Variants in FRMD4A observed in about 807,000 individuals in gnomAD.
FRMD4A encodes FERM domain containing 4A, also known as FERM domain-containing protein 4A.
In FRMD4A, 29 loss-of-function variants were observed where a neutral mutation model predicts 129.1. The observed-to-expected ratio is 0.22, with a 90% CI of 0.17 to 0.31. The LOEUF (loss-of-function observed/expected upper bound fraction) is 0.31. Among genes scored for constraint, FRMD4A ranks in the 10% least tolerant of loss-of-function variants. FRMD4A has a pLI of 1.00. For synonymous variants in FRMD4A, 634 were observed against 571.6 expected, an observed-to-expected ratio of 1.11 and a Z score of -1.56; for missense variants, 1,272 against 1,375.8, an observed-to-expected ratio of 0.92 and a Z score of 1.19.
At chr10:14,092,241 C>T (rs1836702351) in intron 2 of FRMD4A, among the ~76,000 whole-genome samples, 1 of 152,206 alleles carries the variant, frequency 6.6e-6, no homozygotes, top group Non-Finnish European at 1.5e-5. Flanking sequence ...CAGACAGTGA[C>T]CGGGTAAATA....
chr10:13,707,379 C>A, intron 12 of FRMD4A: 1 of 1,143,790 alleles, frequency 8.7e-7, no homozygotes, highest in Non-Finnish European at 1.1e-6. Flanking sequence ...AGTTCTCCGC[C>A]TTCGGTCGGC....
rs116107030 is a variant in FRMD4A at position 14,203,965 on chromosome 10, A to C, written c.45+126093T>G. On this transcript the variant is annotated intron_variant, in intron 2 of 24. Transcript: ENST00000357447. ...CAGTTCCCAACAGATTGTCAGTAAC[A>C]AGAGCCCAGGAACATCTCTGAAGGG... 8.3e-3 allele frequency among the ~76,000 whole-genome samples: 1,267 copies of C among 152,370 alleles called. 17 individuals are homozygous for C. Among genetic ancestry groups the C allele is most frequent in the African/African-American group, 0.027 (1,109 of 41,584 alleles).
chr10:14,190,803 A>C (rs1380000984), intron 2 of FRMD4A, among the ~76,000 whole-genome samples: 1 of 152,188 alleles, frequency 6.6e-6, no homozygotes, highest in East Asian at 1.9e-4. Flanking sequence ...TTTAATGGAA[A>C]AGTTTCAGGG....
chr10:13,999,493 G>C (rs2095634225), intron 2 of FRMD4A, among the ~76,000 whole-genome samples: 1 of 152,088 alleles, frequency 6.6e-6, no homozygotes. Context: ...AACCCTTATT[G>C]GTTTTCCTCA....
intron 2 of FRMD4A, among the ~76,000 whole-genome samples, chr10:14,117,262 A>C (rs10796156): frequency 0.66 from 99,923 of 152,200 alleles, 32,947 homozygotes; most frequent in East Asian, 0.78. Context: ...GCCTGAACAG[A>C]GCCTAGCATG....
intron 2 of FRMD4A, among the ~76,000 whole-genome samples, chr10:14,206,038 A>G (rs975329748): frequency 2.0e-5 from 3 of 152,140 alleles, no homozygotes; most frequent in Non-Finnish European, 4.4e-5. Flanking sequence ...GCTCTCTGCT[A>G]GTTTTCCCAT....
At chr10:14,221,376 T>C (rs747073217) in intron 2 of FRMD4A, among the ~76,000 whole-genome samples, 16 of 152,178 alleles carry the variant, frequency 1.1e-4, no homozygotes, top group Non-Finnish European at 2.2e-4. Context: ...CCTAATTTCA[T>C]AGCCTGGAGA....
intron 2 of FRMD4A, chr10:14,326,238 C>T (rs1485656557): frequency 6.6e-6 from 1 of 152,172 alleles, no homozygotes; most frequent in Non-Finnish European, 1.5e-5. Context: ...AACAGAAAGA[C>T]AGGATTCCTC....
intron 14 of FRMD4A, among the ~76,000 whole-genome samples, chr10:13,700,672 C>A (rs1204788290): frequency 2.6e-5 from 4 of 151,974 alleles, no homozygotes; most frequent in Non-Finnish European, 1.5e-5. Flanking sequence ...TTGATATAAG[C>A]CCTGTGTGAA....
intron 2 of FRMD4A, among the ~76,000 whole-genome samples, chr10:13,981,165 T>G (rs1043920977): frequency 2.6e-5 from 4 of 152,182 alleles, no homozygotes; most frequent in African/African-American, 9.7e-5. Flanking sequence ...TGTATTTGAC[T>G]GAGGATGGTA....
At chr10:13,993,013 C>G (rs1365682495) in intron 2 of FRMD4A, among the ~76,000 whole-genome samples, 1 of 149,128 alleles carries the variant, frequency 6.7e-6, no homozygotes, top group Non-Finnish European at 1.5e-5. Flanking sequence ...TAATGACTAG[C>G]CAACATATCC....
chr10:13,722,794 TA>T (rs1386658806), intron 12 of FRMD4A, among the ~76,000 whole-genome samples: 1 of 152,234 alleles, frequency 6.6e-6, no homozygotes, highest in East Asian at 1.9e-4. Flanking sequence ...GCTGGTTAGA[TA>T]GATCTCCATG....
intron 12 of FRMD4A, among the ~76,000 whole-genome samples, chr10:13,730,359 G>A (rs2090237498): frequency 6.6e-6 from 1 of 152,126 alleles, no homozygotes. Context: ...ACGTTTCCAG[G>A]GAAGAAAGAG....
At chr10:14,014,510 C>A (rs2095692037) in intron 2 of FRMD4A, among the ~76,000 whole-genome samples, 1 of 152,156 alleles carries the variant, frequency 6.6e-6, no homozygotes, top group South Asian at 2.1e-4. Context: ...CATTACCTCC[C>A]CACCCAGCTA....
rs540783886 is a variant in FRMD4A, at chr10:13,646,810, G to A, written c.*228C>T. 6.4e-6 allele frequency: 1 copy of A among 156,308 alleles called. No individual in the cohort carries two copies. Among genetic ancestry groups the A allele is most frequent in the East Asian group, 1.9e-4 (1 of 5,206 alleles). The allele number at this position is 156,308 out of a possible 1,614,324, so 9.7% of individuals were successfully genotyped here. A position where few individuals can be genotyped will look rare whatever the true frequency, so the allele number is the denominator to read the frequency against. ...TCAAGGGGGAGGGAATGCGGAGACA[G>A]GAGAAAAAAAGTGCTGAGGGCCAAA... On this transcript the variant is annotated 3_prime_UTR_variant, in exon 25 of 25. Coordinates refer to ENST00000357447, the MANE Select transcript of FRMD4A (RefSeq NM_018027.5).
intron 2 of FRMD4A, among the ~76,000 whole-genome samples, chr10:14,028,265 G>T (rs1055088477): frequency 1.3e-5 from 2 of 152,192 alleles, no homozygotes; most frequent in African/African-American, 4.8e-5. Flanking sequence ...CATAGGTGCT[G>T]GTGCCTACAA....
At position 14,007,672 on chromosome 10, in the gene FRMD4A, A is replaced by G. The variant is rs188051071; in HGVS notation, c.46-148760T>C. ...TTAGACACTGTCACCCAGTAGAAGA[A>G]ATTCACAGCCCTGCTGCTCTAATGA... On this transcript the variant is annotated intron_variant, in intron 2 of 24. Transcript: ENST00000357447. 249 of 167,516 alleles carry G rather than the reference A, an allele frequency of 1.5e-3. 3 individuals are homozygous for G. The highest frequency in any genetic ancestry group is 1.7e-3 in the Non-Finnish European group (130 of 76,226). 10.4% of individuals were successfully genotyped at this position (167,516 alleles called of 1,614,324 possible).
At chr10:14,245,917 G>A (rs1293126115) in intron 2 of FRMD4A, among the ~76,000 whole-genome samples, 1 of 152,160 alleles carries the variant, frequency 6.6e-6, no homozygotes, top group South Asian at 2.1e-4. Context: ...GAAAACCCTC[G>A]TTGGATGCTG....
intron 5 of FRMD4A, among the ~76,000 whole-genome samples, chr10:13,786,761 A>G (rs186679410): frequency 8.5e-4 from 130 of 152,292 alleles, no homozygotes; most frequent in African/African-American, 3.0e-3. Flanking sequence ...TAACACCAGA[A>G]TATTAACAGA....
Sources: gnomAD v4.1 joint callset for allele counts (sites outside exome capture counted in the v4.1 genomes callset) on GRCh38, gnomAD v4.1.1 for gene constraint, MANE v1.5 for transcripts, NCBI Gene and HGNC (gene_info 2026-07-23, HGNC 2026-07-21) for gene names.